PTPRG: variants seen among roughly 807,000 people sequenced by gnomAD.
PTPRG encodes the protein receptor-type tyrosine-protein phosphatase gamma.
Under a neutral mutation model 165.3 loss-of-function variants are expected in PTPRG, and 102 were observed. The observed-to-expected ratio is 0.62, with a 90% CI of 0.53 to 0.73. PTPRG has a LOEUF of 0.73. PTPRG is among the 30% of genes least tolerant of loss of function. PTPRG has a pLI of 0.00. For synonymous variants in PTPRG, 675 were observed against 669.5 expected, an observed-to-expected ratio of 1.01 and a Z score of -0.13; for missense variants, 1,866 against 1,861.4, an observed-to-expected ratio of 1.00 and a Z score of -0.05.
chr3:62,267,188 G>T (rs764283913), intron 17 of PTPRG, among the ~76,000 whole-genome samples: 2 of 152,058 alleles, frequency 1.3e-5, no homozygotes, highest in African/African-American at 4.8e-5. Context: ...ACTACAATTT[G>T]TAATAGTTTT....
At position 61,695,156 on chromosome 3, in the gene PTPRG, G is replaced by C. The variant is rs909487067; in HGVS notation, c.86-53722G>C. ...CTCCTGAGTAGCTGGGATTACAGGC[G>C]CCTGCTACCACGCCCAGTTAATTTT... On this transcript the variant is annotated intron_variant, in intron 1 of 29. Coordinates refer to ENST00000474889, the MANE Select transcript of PTPRG (RefSeq NM_002841.4). 2.6e-5 allele frequency among the ~76,000 whole-genome samples: 4 copies of C among 151,972 alleles called. No homozygotes were observed. The East Asian group carries it at 7.7e-4, about 29-fold the overall frequency.
chr3:61,816,300 C>T (rs572246773), intron 2 of PTPRG, among the ~76,000 whole-genome samples: 8 of 152,226 alleles, frequency 5.3e-5, no homozygotes, highest in African/African-American at 1.9e-4. Context: ...GAAGATGAGG[C>T]GGGCAGATCA....
chr3:61,660,545 T>C (rs1360627137), intron 1 of PTPRG, among the ~76,000 whole-genome samples: 1 of 152,218 alleles, frequency 6.6e-6, no homozygotes, highest in Non-Finnish European at 1.5e-5. Context: ...GAGTGATATA[T>C]GCATTTAACT....
At chr3:61,735,095 C>CA (rs933932422) in intron 1 of PTPRG, among the ~76,000 whole-genome samples, 6 of 152,104 alleles carry the variant, frequency 3.9e-5, no homozygotes, top group African/African-American at 1.4e-4. Context: ...CTCTTCTTCC[C>CA]AAAAAGGCAA....
rs191799587 is a variant in PTPRG, at chr3:62,271,349, C to A, written c.3010-34C>A. ...TTTTTTTCCAGAATGTCCACCCCCC[C>A]GCTTAAAGACATCTTTTTTCACTTT... is the stretch of plus-strand genomic sequence containing the variant. On this transcript the variant is annotated intron_variant, in intron 20 of 29. Coordinates refer to ENST00000474889, the MANE Select transcript of PTPRG (RefSeq NM_002841.4). This position sits in a 1 kb window ranked among gnomAD's most constrained non-coding sequence, Gnocchi z 4.1. 2.5e-5 allele frequency: 38 copies of A among 1,542,274 alleles called. No individual in the cohort carries two copies. The highest frequency in any genetic ancestry group is 4.1e-5 in the African/African-American group (3 of 72,746).
chr3:62,013,012 A>G (rs1251060297), intron 4 of PTPRG, among the ~76,000 whole-genome samples: 1 of 152,188 alleles, frequency 6.6e-6, no homozygotes, highest in African/African-American at 2.4e-5. Context: ...GTCACTTTAA[A>G]TTTTCAGAAG....
intron 2 of PTPRG, among the ~76,000 whole-genome samples, chr3:61,954,406 T>C (rs922613109): frequency 6.6e-5 from 10 of 152,156 alleles, no homozygotes; most frequent in Non-Finnish European, 1.5e-4. Context: ...CTGGTGATGG[T>C]GTTGAAACAC....
chr3:61,997,229 T>C (rs2041059994), intron 3 of PTPRG, among the ~76,000 whole-genome samples: 2 of 152,310 alleles, frequency 1.3e-5, no homozygotes, highest in South Asian at 4.1e-4. Context: ...CACTTATTTC[T>C]ACTGACAGCA....
In PTPRG at chr3:62,203,170, C is replaced by T. The variant is rs1439243295; in HGVS notation, c.1378-3C>T. 1.3e-6 allele frequency: 2 copies of T among 1,572,880 alleles called. No homozygotes were observed. Among genetic ancestry groups the T allele is most frequent in the Non-Finnish European group, 8.6e-7 (1 of 1,156,206 alleles). On this transcript the variant is annotated splice_polypyrimidine_tract_variant and splice_region_variant and intron_variant, in intron 11 of 29. Coordinates refer to ENST00000474889, the MANE Select transcript of PTPRG (RefSeq NM_002841.4). The surrounding 1 kb of genome is among the most constrained non-coding windows in gnomAD (Gnocchi z 6.4). ...TCCACCCTTGCCGGGTGACCCTTTCCAGCCCACAGCGTCTCCTGCCTCTTC... is the reference window on the plus strand; with the variant it reads ...TCCACCCTTGCCGGGTGACCCTTTCTAGCCCACAGCGTCTCCTGCCTCTTC...
At chr3:61,908,417 A>AG (rs2038714151) in intron 2 of PTPRG, among the ~76,000 whole-genome samples, 1 of 150,754 alleles carries the variant, frequency 6.6e-6, no homozygotes, top group African/African-American at 2.5e-5. Context: ...AGAGCAAAAA[A>AG]AAAAAAAAAA....
chr3:61,683,592 G>A (rs1559555973), intron 1 of PTPRG, among the ~76,000 whole-genome samples: 3 of 152,204 alleles, frequency 2.0e-5, no homozygotes, highest in Non-Finnish European at 4.4e-5. Flanking sequence ...CATGGTTGCA[G>A]TAGCCAAACT....
chr3:61,580,141 G>A (rs529961984), intron 1 of PTPRG, among the ~76,000 whole-genome samples: 3 of 152,210 alleles, frequency 2.0e-5, no homozygotes, highest in South Asian at 4.2e-4. Context: ...TAAAGCTCCT[G>A]GGGAGTCCAG....
intron 1 of PTPRG, among the ~76,000 whole-genome samples, chr3:61,595,020 C>G (rs899444864): frequency 6.6e-6 from 1 of 151,970 alleles, no homozygotes; most frequent in African/African-American, 2.4e-5. Flanking sequence ...GGATGAAAAG[C>G]GAGAAAACTG....
At chr3:62,122,908 C>T (rs1159177174) in intron 5 of PTPRG, among the ~76,000 whole-genome samples, 1 of 152,124 alleles carries the variant, frequency 6.6e-6, no homozygotes, top group Non-Finnish European at 1.5e-5. Flanking sequence ...TTACAGAAGC[C>T]AGGGCCCCCA....
At position 61,881,934 on chromosome 3, in the gene PTPRG, A is replaced by G. The variant is rs115440772; in HGVS notation, c.191-107691A>G. 8.1e-3 allele frequency among the ~76,000 whole-genome samples: 1,236 copies of G among 152,280 alleles called. 13 individuals are homozygous for G. Among genetic ancestry groups the G allele is most frequent in the African/African-American group, 0.027 (1,137 of 41,558 alleles). On this transcript the variant is annotated intron_variant, in intron 2 of 29. Transcript: ENST00000474889. ...CCTGACAGTCCTGCCCAACTCTTTC[A>G]GTTCCAGTCATCATGTATATAACTA...
chr3:61,991,757 A>AT (rs1288117750), intron 3 of PTPRG, among the ~76,000 whole-genome samples: 1 of 152,232 alleles, frequency 6.6e-6, no homozygotes, highest in Non-Finnish European at 1.5e-5. Flanking sequence ...GTCAAAGACA[A>AT]TCACTGGGCT....
At chr3:61,887,168 A>ATTTTTT (rs1209683592) in intron 2 of PTPRG, among the ~76,000 whole-genome samples, 1 of 107,108 alleles carries the variant, frequency 9.3e-6, no homozygotes, top group East Asian at 3.3e-4. Flanking sequence ...ATATATATAT[A>ATTTTTT]TATTTTTAAT....
intron 9 of PTPRG, among the ~76,000 whole-genome samples, chr3:62,193,116 A>G (rs552748393): frequency 3.3e-5 from 5 of 152,228 alleles, no homozygotes; most frequent in Non-Finnish European, 7.3e-5. Flanking sequence ...TCTTGTCACA[A>G]CTGGAAGTCC....
At chr3:61,651,805 T>C (rs771048470) in intron 1 of PTPRG, among the ~76,000 whole-genome samples, 5 of 152,070 alleles carry the variant, frequency 3.3e-5, no homozygotes, top group Non-Finnish European at 7.4e-5. Flanking sequence ...AGGTCAGGAA[T>C]TTAAGACCAG....
Sources: allele counts gnomAD v4.1 joint callset (sites outside exome capture counted in the v4.1 genomes callset), GRCh38; gene constraint gnomAD v4.1.1; non-coding constraint Gnocchi (gnomAD v3.1); transcripts MANE v1.5; gene names NCBI Gene and HGNC (gene_info 2026-07-23, HGNC 2026-07-21).